The following WDSUB1 variants were observed in gnomAD, a reference collection of about 807,000 sequenced individuals.
WDSUB1 encodes WD repeat, sterile alpha motif and U-box domain containing 1, also known as WD repeat, SAM and U-box domain-containing protein 1.
A neutral mutation model predicts 53.9 loss-of-function variants in WDSUB1; 49 were observed. The observed-to-expected ratio is 0.91, with a 90% CI of 0.72 to 1.15. The LOEUF (loss-of-function observed/expected upper bound fraction) is 1.15, where lower values mean the gene tolerates loss of function less well. WDSUB1 is among the 50% of genes most tolerant of loss of function. WDSUB1 has a pLI of 0.00. For synonymous variants in WDSUB1, 194 were observed against 200.6 expected (o/e 0.97, Z 0.28); for missense variants, 514 against 562.0 (o/e 0.91, Z 0.86).
chr2:159,236,083 T>C lies in WDSUB1; in HGVS notation c.1381A>G (p.Arg461Gly). ...VLPSAVLTPN[R>G]TLKMAINRWL... ...CTATTGATGGCCATTTTCAGAGTCC[T>C]ATTTGGTGTAAGTACCGCTGAAGGA... Residue 461 changes from arginine (R) to glycine (G), a missense_variant, in exon 11 of 11, where the codon AGG (arginine) becomes GGG (glycine). Coordinates refer to ENST00000359774, the MANE Select transcript of WDSUB1 (RefSeq NM_001128212.3). The C allele has an allele frequency of 6.2e-7, 1 of 1,613,850 alleles. No individual in the cohort carries two copies. Among genetic ancestry groups the C allele is most frequent in the Non-Finnish European group, 8.5e-7 (1 of 1,179,924 alleles).
chr2:159,275,451 T>C, intron 4 of WDSUB1, 95 bp downstream of exon 4: 2 of 981,744 alleles, frequency 2.0e-6, no homozygotes. Context: ...TAATACTTAC[T>C]TTTAGATACT....
At chr2:159,264,488 T>C (rs994749141) in intron 5 of WDSUB1, among the ~76,000 whole-genome samples, 1 of 152,194 alleles carries the variant, frequency 6.6e-6, no homozygotes, top group Non-Finnish European at 1.5e-5. Context: ...AGATAAAATA[T>C]AAACAACTGT....
chr2:159,285,270 T>C (rs1034745804), intron 1 of WDSUB1, among the ~76,000 whole-genome samples: 17 of 152,148 alleles, frequency 1.1e-4, no homozygotes, highest in Non-Finnish European at 1.9e-4. Flanking sequence ...ACTAAATATA[T>C]ATACACACAC....
At chr2:159,242,949 G>C (rs1448533742) in intron 10 of WDSUB1, among the ~76,000 whole-genome samples, 6 of 148,058 alleles carry the variant, frequency 4.1e-5, no homozygotes, top group Admixed American at 4.0e-4. Flanking sequence ...ACTGAAAAAA[G>C]ATGTATTCTG....
At chr2:159,277,412 C>G (rs1284536582) in intron 3 of WDSUB1, among the ~76,000 whole-genome samples, 3 of 152,098 alleles carry the variant, frequency 2.0e-5, no homozygotes, top group Non-Finnish European at 4.4e-5. Flanking sequence ...CTAAATAGAT[C>G]CTTTGAAGTT....
intron 3 of WDSUB1, among the ~76,000 whole-genome samples, chr2:159,279,459 C>T (rs1218994071): frequency 6.6e-6 from 1 of 151,986 alleles, no homozygotes; most frequent in Non-Finnish European, 1.5e-5. Flanking sequence ...TCTAAATTGC[C>T]ATATCCAAGG....
At chr2:159,247,525 C>G (rs4665048) in intron 10 of WDSUB1, among the ~76,000 whole-genome samples, 3 of 151,820 alleles carry the variant, frequency 2.0e-5, no homozygotes, top group Non-Finnish European at 2.9e-5. Flanking sequence ...AGATATATTA[C>G]TGGCAGCACT....
rs574624725 is a variant in WDSUB1 at position 159,248,032 on chromosome 2, T to G, written c.1273+340A>C. ...ATATGGAATGATACAACTTTATAATTAAATTCTTTGTAGAAGATTGTTTAA... is the reference window on the plus strand; with the variant it reads ...ATATGGAATGATACAACTTTATAATGAAATTCTTTGTAGAAGATTGTTTAA... On this transcript the variant is annotated intron_variant, in intron 10 of 10. Coordinates refer to ENST00000359774, the MANE Select transcript of WDSUB1 (RefSeq NM_001128212.3). 1.8e-4 allele frequency among the ~76,000 whole-genome samples: 27 copies of G among 148,876 alleles called. No homozygotes were observed. In the East Asian group the frequency reaches 4.5e-3, roughly 25 times the overall value.
Position 159,235,915 on chromosome 2 carries a change from C to T in WDSUB1, c.*118G>A. 9.6e-7 allele frequency: 1 copy of T among 1,041,810 alleles called. No individual in the cohort carries two copies. The allele number at this position is 1,041,810 out of a possible 1,614,324, so 64.5% of individuals were successfully genotyped here. On this transcript the variant is annotated 3_prime_UTR_variant, in exon 11 of 11. Coordinates refer to ENST00000359774, the MANE Select transcript of WDSUB1 (RefSeq NM_001128212.3). ...GAAAATTGACAATTTTTATAGGTAA[C>T]TAAATTTAAGAAGTTTACCTTTTTC...
chr2:159,235,997 A>G lies in WDSUB1; in HGVS notation c.*36T>C. The G allele has an allele frequency of 2.6e-6, 4 of 1,551,288 alleles. No individual in the cohort carries two copies. The highest frequency in any genetic ancestry group is 3.5e-6 in the Non-Finnish European group (4 of 1,150,898). On this transcript the variant is annotated 3_prime_UTR_variant, in exon 11 of 11. Coordinates refer to ENST00000359774, the MANE Select transcript of WDSUB1 (RefSeq NM_001128212.3). ...TTTACCTATAAATCATTCAAATGAGATCACTGAAAATATAAATAATACAAT... is the reference window on the plus strand; with the variant it reads ...TTTACCTATAAATCATTCAAATGAGGTCACTGAAAATATAAATAATACAAT...
chr2:159,269,108 T>C (rs528293456), intron 5 of WDSUB1, among the ~76,000 whole-genome samples: 5 of 151,210 alleles, frequency 3.3e-5, no homozygotes, highest in African/African-American at 1.2e-4. Context: ...ACAGAGGCAA[T>C]ACTTGAAGAG....
intron 10 of WDSUB1, among the ~76,000 whole-genome samples, chr2:159,238,287 CTTACAAATTCTATCAAG>C (rs1325174107): frequency 1.8e-4 from 7 of 39,464 alleles, no homozygotes; most frequent in African/African-American, 8.0e-4. Flanking sequence ...AAGGAATTTA[CTTACAAATTCTATCAAG>C]GAATTTACTT....
chr2:159,247,892 T>TATATATATATATAA (rs2060839449), intron 10 of WDSUB1, among the ~76,000 whole-genome samples: 285 of 27,842 alleles, frequency 0.01, 4 homozygotes, highest in Admixed American at 0.023. Flanking sequence ...AATAAATATA[T>TATATATATATATAA]ATATATATAT....
rs753409241 is a variant in WDSUB1 at position 159,271,728 on chromosome 2, G to A, written c.744C>T (p.Ser248=). 6.8e-6 allele frequency: 11 copies of A among 1,613,912 alleles called. No individual in the cohort carries two copies. In the East Asian group the frequency reaches 2.2e-4, roughly 33 times the overall value. Residue 248 remains serine (S), a synonymous_variant, in exon 5 of 11, where the codon TCC becomes TCT. Coordinates refer to ENST00000359774, the MANE Select transcript of WDSUB1 (RefSeq NM_001128212.3). ...HCAPVLACAF[S]HDGQMLVSGS... ...CTGAGACTAGCATCTGCCCATCATG[G>A]GAAAAAGCACAAGCCAGAACAGGAG...
intron 10 of WDSUB1, among the ~76,000 whole-genome samples, chr2:159,237,234 T>C (rs1200915243): frequency 6.6e-6 from 1 of 152,176 alleles, no homozygotes; most frequent in Non-Finnish European, 1.5e-5. Flanking sequence ...AAGTTAAAAC[T>C]ATAGGCTGGG....
intron 3 of WDSUB1, among the ~76,000 whole-genome samples, chr2:159,277,303 A>C (rs1388994408): frequency 6.6e-6 from 1 of 152,242 alleles, no homozygotes; most frequent in Non-Finnish European, 1.5e-5. Flanking sequence ...AATTCCTGAT[A>C]ATCACTGTCT....
chr2:159,237,973 A>C (rs548959655), intron 10 of WDSUB1, among the ~76,000 whole-genome samples: 17 of 136,918 alleles, frequency 1.2e-4, no homozygotes, highest in African/African-American at 4.6e-4. Flanking sequence ...AGGAATTCTA[A>C]GTTTTTCATT....
chr2:159,250,675 C>G (rs760283077), intron 9 of WDSUB1, among the ~76,000 whole-genome samples: 1 of 152,002 alleles, frequency 6.6e-6, no homozygotes, highest in Non-Finnish European at 1.5e-5. Context: ...GGAAGGTTTA[C>G]GAGGAGTTAT....
rs1373803697 is a variant in WDSUB1 at position 159,247,904 on chromosome 2, T to TAA, written c.1273+467_1273+468insTT. 1.5e-3 allele frequency among the ~76,000 whole-genome samples: 55 copies of TAA among 37,730 alleles called. 1 individual carries two copies. The highest frequency in any genetic ancestry group is 4.6e-3 in the Non-Finnish European group (42 of 9,108). The allele number at this position is 37,730 out of a possible 152,430, so 24.8% of individuals were successfully genotyped here. On this transcript the variant is annotated intron_variant, in intron 10 of 10. Transcript: ENST00000359774. ...TTAAATAAATATATATATATATATA[T>TAA]ATATAAATATATATATATATATAAA...
Sources: allele counts gnomAD v4.1 joint callset (sites outside exome capture counted in the v4.1 genomes callset), GRCh38; gene constraint gnomAD v4.1.1; transcripts MANE v1.5; gene names NCBI Gene and HGNC (gene_info 2026-07-23, HGNC 2026-07-21).